Variants in C4orf51 observed in about 807,000 individuals in gnomAD.
The protein encoded by C4orf51 is uncharacterized protein C4orf51.
Under a neutral mutation model 25.2 loss-of-function variants are expected in C4orf51, and 25 were observed. That is an observed-to-expected ratio of 0.99 (90% CI 0.72 to 1.39). The LOEUF is 1.39. Ranked by LOEUF, C4orf51 falls within the 40% of genes most tolerant of loss-of-function variation. C4orf51 has a pLI of 0.00. For missense variants in C4orf51, 252 were observed against 239.6 expected (o/e 1.05, Z -0.34); for synonymous variants, 100 against 84.5 (o/e 1.18, Z -1.01).
chr4:145,721,510 T>C (rs1731739040), intron 2 of C4orf51, among the ~76,000 whole-genome samples: 1 of 152,070 alleles, frequency 6.6e-6, no homozygotes, highest in Non-Finnish European at 1.5e-5. Context: ...ACTCAGAAAA[T>C]ATCAATGTCC....
intron 1 of C4orf51, among the ~76,000 whole-genome samples, chr4:145,750,792 G>A (rs929789424): frequency 1.3e-5 from 2 of 151,858 alleles, no homozygotes; most frequent in Non-Finnish European, 2.9e-5. Flanking sequence ...GCCCTTGTGA[G>A]GCTTTTTTTC....
chr4:145,694,429 T>C (rs1729899497), intron 1 of C4orf51, among the ~76,000 whole-genome samples: 1 of 114,392 alleles, frequency 8.7e-6, no homozygotes, highest in Admixed American at 8.2e-5. Flanking sequence ...GGGGCGCCTC[T>C]GCCCGGCCGC....
chr4:145,713,520 C>G (rs561648217), intron 2 of C4orf51, among the ~76,000 whole-genome samples: 11 of 152,058 alleles, frequency 7.2e-5, no homozygotes, highest in Non-Finnish European at 1.6e-4. Flanking sequence ...AGAGGTGGAG[C>G]CTAAGGATGT....
intron 1 of C4orf51, among the ~76,000 whole-genome samples, chr4:145,753,140 T>TTGTGTGTG (rs57325282): frequency 0.013 from 1,903 of 145,828 alleles, 39 homozygotes; most frequent in African/African-American, 0.046. Flanking sequence ...TATGAAGGTT[T>TTGTGTGTG]TGTGTGTGTG....
chr4:145,791,855 A>G, the C4orf51 span, among the ~76,000 whole-genome samples: 9 of 152,348 alleles, frequency 5.9e-5, no homozygotes, highest in African/African-American at 2.2e-4. Context: ...CAAGGCACAG[A>G]ATTGATTATG....
At chr4:145,702,851 C>T (rs553425435) in intron 2 of C4orf51, among the ~76,000 whole-genome samples, 1 of 138,556 alleles carries the variant, frequency 7.2e-6, no homozygotes, top group African/African-American at 2.7e-5. Flanking sequence ...TTCTAACATC[C>T]CCACAATATC....
chr4:145,759,118 G>A (rs1274449603), downstream of C4orf51: 30 of 152,132 alleles, frequency 2.0e-4, no homozygotes, highest in Non-Finnish European at 1.2e-4. Context: ...TGTTCCTCCT[G>A]TACACCAGTT....
At chr4:145,694,164 C>T (rs1336612395) in intron 1 of C4orf51, among the ~76,000 whole-genome samples, 13 of 133,156 alleles carry the variant, frequency 9.8e-5, no homozygotes, top group East Asian at 2.5e-4. Context: ...ACATCCCAGA[C>T]GATGTGCGGC....
intron 2 of C4orf51, among the ~76,000 whole-genome samples, chr4:145,719,300 CAT>C (rs1445012985): frequency 1.3e-5 from 2 of 152,020 alleles, no homozygotes; most frequent in African/African-American, 4.8e-5. Context: ...AAAATTAAAA[CAT>C]AGTGTATAGA....
chr4:145,711,193 G>A (rs1731109533), intron 2 of C4orf51, among the ~76,000 whole-genome samples: 1 of 152,082 alleles, frequency 6.6e-6, no homozygotes, highest in African/African-American at 2.4e-5. Flanking sequence ...ATACCCCTAA[G>A]GAAAAATTCA....
intron 1 of C4orf51, among the ~76,000 whole-genome samples, chr4:145,685,485 G>A (rs1729095449): frequency 6.6e-6 from 1 of 152,132 alleles, no homozygotes; most frequent in African/African-American, 2.4e-5. Flanking sequence ...CCCTTTTAAG[G>A]GCTCACAACT....
intron 1 of C4orf51, among the ~76,000 whole-genome samples, chr4:145,740,613 C>G: frequency 6.6e-6 from 1 of 152,200 alleles, no homozygotes; most frequent in East Asian, 1.9e-4. Context: ...AGGTCCACCT[C>G]TAGAGAACAT....
In C4orf51 at chr4:145,690,067, C is replaced by T. The variant is rs1232417235; in HGVS notation, c.234-6492C>T. On this transcript the variant is annotated intron_variant, in intron 1 of 5. Coordinates refer to ENST00000438731, the MANE Select transcript of C4orf51 (RefSeq NM_001080531.3). ...TAAAAACACAAAAAAATTGGCTGGG[C>T]GTGGTAACAGGCACCTGTAATCCCA... 2.6e-5 allele frequency among the ~76,000 whole-genome samples: 4 copies of T among 151,776 alleles called. No homozygotes were observed. In the East Asian group the frequency reaches 5.8e-4, roughly 22 times the overall value.
intron 2 of C4orf51, among the ~76,000 whole-genome samples, chr4:145,716,950 T>C (rs890580836): frequency 2.0e-5 from 3 of 152,198 alleles, no homozygotes; most frequent in African/African-American, 7.2e-5. Flanking sequence ...GAACATAAAA[T>C]TGAAACACAC....
downstream of C4orf51, among the ~76,000 whole-genome samples, chr4:145,733,327 C>T (rs571171714): frequency 8.3e-4 from 126 of 152,336 alleles, no homozygotes; most frequent in Non-Finnish European, 1.4e-3. Flanking sequence ...CTGATTCCCC[C>T]CCACCACCGC....
rs1212724930 is a variant in C4orf51 at position 145,729,549 on chromosome 4, C to T, written c.427+320C>T. On this transcript the variant is annotated intron_variant, in intron 4 of 5. Coordinates refer to ENST00000438731, the MANE Select transcript of C4orf51 (RefSeq NM_001080531.3). ...ATCTTCCGACCTTGTGATCCTCCCT[C>T]CTTGGCCTCCCAAAGTGCTGGGATT... 2.0e-5 allele frequency among the ~76,000 whole-genome samples: 3 copies of T among 152,156 alleles called. 1 individual carries two copies. Among genetic ancestry groups the T allele is most frequent in the Non-Finnish European group, 2.9e-5 (2 of 68,022 alleles).
intron 2 of C4orf51, among the ~76,000 whole-genome samples, chr4:145,721,230 A>G (rs1731721633): frequency 6.6e-6 from 1 of 151,964 alleles, no homozygotes; most frequent in Admixed American, 6.6e-5. Context: ...CTATAGTTCC[A>G]ACTACTCAGA....
At chr4:145,733,387 C>CA (rs1732616211), downstream of C4orf51, among the ~76,000 whole-genome samples, 1 of 152,242 alleles carries the variant, frequency 6.6e-6, no homozygotes, top group Non-Finnish European at 1.5e-5. Flanking sequence ...CCGGGAGCGG[C>CA]AGGGGCTGCA....
intron 1 of C4orf51, among the ~76,000 whole-genome samples, chr4:145,685,640 T>C (rs1729106661): frequency 6.6e-6 from 1 of 152,230 alleles, no homozygotes; most frequent in Non-Finnish European, 1.5e-5. Flanking sequence ...CTGTAATCTA[T>C]AGTTAACATA....
Sources: gnomAD v4.1 joint callset for allele counts (sites outside exome capture counted in the v4.1 genomes callset) on GRCh38, gnomAD v4.1.1 for gene constraint, MANE v1.5 for transcripts, NCBI Gene and HGNC (gene_info 2026-07-23, HGNC 2026-07-21) for gene names.